The following RNF111 variants were observed in gnomAD, a reference collection of about 807,000 sequenced individuals.
The protein encoded by RNF111 is E3 ubiquitin-protein ligase Arkadia.
In RNF111, 17 loss-of-function variants were observed where a neutral mutation model predicts 95.1. The observed-to-expected ratio is 0.18, with a 90% confidence interval of 0.12 to 0.27. The LOEUF (loss-of-function observed/expected upper bound fraction) is 0.27. Ranked by LOEUF, RNF111 falls within the 10% of genes least tolerant of loss-of-function variation. The probability of loss-of-function intolerance (pLI) is 1.00; values close to 1 mark genes in which losing one functional copy is unlikely to be tolerated. For missense variants in RNF111, 1,189 were observed against 1,210.4 expected (o/e 0.98, Z 0.26); for synonymous variants, 440 against 414.8 (o/e 1.06, Z -0.74).
Position 59,089,763 on chromosome 15 carries a change from T to A in RNF111, c.2643+4T>A, listed in dbSNP as rs749283326. The A allele has an allele frequency of 5.1e-6, 8 of 1,578,186 alleles. No homozygotes were observed. Among genetic ancestry groups the A allele is most frequent in the African/African-American group, 4.0e-5 (3 of 74,094 alleles). On this transcript the variant is annotated splice_donor_region_variant and intron_variant, in intron 11 of 13. Coordinates refer to ENST00000348370, the MANE Select transcript of RNF111 (RefSeq NM_017610.8). ...TCCTTTCAGGGGCAATTTTGAGGTATGTAATAAAATAAATGAATATGTTTG... is the reference window on the plus strand; with the variant it reads ...TCCTTTCAGGGGCAATTTTGAGGTAAGTAATAAAATAAATGAATATGTTTG...
chr15:59,089,623 T>G (rs2078993312), intron 10 of RNF111, 44 bp from the exon 11 acceptor site: 3 of 1,394,378 alleles, frequency 2.2e-6, no homozygotes, highest in Admixed American at 1.7e-5. Flanking sequence ...AAATCACAAG[T>G]CTATTCTTAA....
intron 6 of RNF111, among the ~76,000 whole-genome samples, chr15:59,071,576 C>G (rs2042929104): frequency 6.6e-6 from 1 of 151,482 alleles, no homozygotes. Context: ...GCCTTTAGTT[C>G]TAGCTTCTTG....
intron 9 of RNF111, 129 bp downstream of exon 9, chr15:59,084,383 A>T (rs777246337): frequency 3.3e-6 from 3 of 916,672 alleles, no homozygotes; most frequent in Admixed American, 3.4e-5. Flanking sequence ...TTTAACTGAG[A>T]CACTGCCTCT....
At chr15:59,017,905 C>T (rs1358473726) in intron 1 of RNF111, among the ~76,000 whole-genome samples, 1 of 151,962 alleles carries the variant, frequency 6.6e-6, no homozygotes, top group African/African-American at 2.4e-5. Flanking sequence ...TTACAGGCGC[C>T]TGCCATCATG....
intron 10 of RNF111, among the ~76,000 whole-genome samples, chr15:59,086,514 A>G (rs779803796): frequency 6.6e-6 from 1 of 152,230 alleles, no homozygotes; most frequent in Non-Finnish European, 1.5e-5. Context: ...GTTCAGCAAA[A>G]CATACATTGC....
chr15:59,018,440 T>G lies in RNF111; in HGVS notation c.-19-12364T>G, dbSNP rs61149070. On this transcript the variant is annotated intron_variant, in intron 1 of 13. Transcript: ENST00000348370. ...TTGATTTGTTTGTGTAGAAATCTGT[T>G]GTCAACAAAGTTGTGTTCTAATATA... Among the ~76,000 whole-genome samples, 3 of 152,314 alleles carry G rather than the reference T, an allele frequency of 2.0e-5. No individual in the cohort carries two copies. In the East Asian group the frequency reaches 5.8e-4, roughly 29 times the overall value.
intron 2 of RNF111, among the ~76,000 whole-genome samples, chr15:59,033,978 A>T (rs1157769327): frequency 6.6e-6 from 1 of 152,220 alleles, no homozygotes; most frequent in Non-Finnish European, 1.5e-5. Flanking sequence ...CACGATATGG[A>T]ATTTTAAAAG....
chr15:59,054,686 C>T (rs1484703585), intron 3 of RNF111, among the ~76,000 whole-genome samples: 1 of 152,040 alleles, frequency 6.6e-6, no homozygotes, highest in Non-Finnish European at 1.5e-5. Flanking sequence ...ACTCTGGGTT[C>T]TATAATCGTT....
chr15:59,007,041 C>G (rs747968811), intron 1 of RNF111, among the ~76,000 whole-genome samples: 1 of 152,174 alleles, frequency 6.6e-6, no homozygotes. Flanking sequence ...CTGCCTCAGC[C>G]TCTTGAAGTG....
At chr15:59,092,053 C>A (rs968672196) in intron 12 of RNF111, among the ~76,000 whole-genome samples, 1 of 152,184 alleles carries the variant, frequency 6.6e-6, no homozygotes, top group African/African-American at 2.4e-5. Context: ...AAAGAATAAT[C>A]ATAAAGTGTG....
intron 10 of RNF111, among the ~76,000 whole-genome samples, chr15:59,086,474 G>T (rs1596308662): frequency 1.3e-5 from 2 of 152,204 alleles, no homozygotes; most frequent in African/African-American, 4.8e-5. Flanking sequence ...ATTTAAGCAG[G>T]TTCAGATTTT....
chr15:58,991,480 CAG>C (rs1338003021), intron 1 of RNF111, among the ~76,000 whole-genome samples: 2 of 152,134 alleles, frequency 1.3e-5, no homozygotes, highest in South Asian at 2.1e-4. Flanking sequence ...ACATAATAAA[CAG>C]AATGGTTTCA....
At chr15:59,045,572 A>AT (rs2041669811) in intron 2 of RNF111, among the ~76,000 whole-genome samples, 1 of 152,216 alleles carries the variant, frequency 6.6e-6, no homozygotes, top group Admixed American at 6.5e-5. Context: ...TGAAGTTGAC[A>AT]TATAGATATA....
chr15:59,057,540 C>T (rs12438111), intron 4 of RNF111, among the ~76,000 whole-genome samples: 46,435 of 151,952 alleles, frequency 0.31, 7,364 homozygotes, highest in East Asian at 0.45. Flanking sequence ...TTATTCCTAC[C>T]GTTCTCAATT....
chr15:59,051,288 C>A (rs1321186522), intron 2 of RNF111, among the ~76,000 whole-genome samples: 1 of 150,826 alleles, frequency 6.6e-6, no homozygotes, highest in Admixed American at 6.6e-5. Flanking sequence ...CCCGTCTCTA[C>A]TAAAAATAAA....
chr15:59,025,558 AAG>A lies in RNF111; in HGVS notation c.-19-5242_-19-5241del, dbSNP rs1240445139. On this transcript the variant is annotated intron_variant, in intron 1 of 13. Coordinates refer to ENST00000348370, the MANE Select transcript of RNF111 (RefSeq NM_017610.8). ...TAAGCTGGCACATAGTAAAATAAAT[AAG>A]AGAATTAAAAATTTAATACACACCC... 8.5e-5 allele frequency among the ~76,000 whole-genome samples: 13 copies of A among 152,314 alleles called. No homozygotes were observed. In the South Asian group the frequency reaches 2.7e-3, roughly 32 times the overall value.
At chr15:59,037,586 C>G (rs1566899112) in intron 2 of RNF111, among the ~76,000 whole-genome samples, 2 of 152,140 alleles carry the variant, frequency 1.3e-5, no homozygotes, top group African/African-American at 4.8e-5. Context: ...CCTGTAATCT[C>G]AGCACTTTGG....
chr15:58,989,656 A>G (rs1375554046), intron 1 of RNF111, among the ~76,000 whole-genome samples: 3 of 152,214 alleles, frequency 2.0e-5, no homozygotes, highest in African/African-American at 7.2e-5. Flanking sequence ...TGAAAAATGC[A>G]TTACAGCAGA....
intron 1 of RNF111, among the ~76,000 whole-genome samples, chr15:59,021,377 C>T (rs1240506591): frequency 2.0e-5 from 3 of 152,134 alleles, no homozygotes; most frequent in African/African-American, 7.2e-5. Flanking sequence ...TCTCGAACTC[C>T]TGACCTCAAT....
Sources: gnomAD v4.1 joint callset for allele counts (sites outside exome capture counted in the v4.1 genomes callset) on GRCh38, gnomAD v4.1.1 for gene constraint, MANE v1.5 for transcripts, NCBI Gene and HGNC (gene_info 2026-07-23, HGNC 2026-07-21) for gene names.